The following ANKRD17 variants were observed in gnomAD, a reference collection of about 807,000 sequenced individuals.
ANKRD17 encodes the protein ankyrin repeat domain 17, also known as ankyrin repeat domain-containing protein 17.
A neutral mutation model predicts 229.7 loss-of-function variants in ANKRD17; 19 were observed. The ratio of observed to expected loss-of-function variants is 0.08; its 90% confidence interval spans 0.06 to 0.12. ANKRD17 has a LOEUF of 0.12. Among genes scored for constraint, ANKRD17 ranks in the 10% least tolerant of loss-of-function variants. The probability of loss-of-function intolerance (pLI) is 1.00; values close to 1 mark genes in which losing one functional copy is unlikely to be tolerated. For missense variants in ANKRD17, 2,176 were observed against 3,176.8 expected (o/e 0.68, Z 7.57); for synonymous variants, 1,112 against 1,146.1 (o/e 0.97, Z 0.60).
At position 73,199,054 on chromosome 4, in the gene ANKRD17, A is replaced by G. The variant is rs190530995; in HGVS notation, c.394-21521T>C. ...ATTCTAAATTTTCCCACTCTTCCCA[A>G]TACATTTCATTCTAGTCATGGGCTC... On this transcript the variant is annotated intron_variant, in intron 1 of 33. Coordinates refer to ENST00000358602, the MANE Select transcript of ANKRD17 (RefSeq NM_032217.5). Among the ~76,000 whole-genome samples the G allele has an allele frequency of 1.9e-3, 292 of 152,328 alleles. 1 individual carries two copies. The highest frequency in any genetic ancestry group is 1.5e-3 in the Non-Finnish European group (105 of 68,030).
chr4:73,236,042 G>A (rs886551519), intron 1 of ANKRD17, among the ~76,000 whole-genome samples: 8 of 151,966 alleles, frequency 5.3e-5, no homozygotes, highest in African/African-American at 1.7e-4. Context: ...ATTTTTTAAA[G>A]CTCTCTTATA....
At chr4:73,164,196 C>T (rs964606846) in intron 2 of ANKRD17, among the ~76,000 whole-genome samples, 3 of 152,166 alleles carry the variant, frequency 2.0e-5, no homozygotes, top group African/African-American at 7.2e-5. Context: ...TTTCAGCCAT[C>T]TGAGATCACT....
At position 73,078,624 on chromosome 4, in the gene ANKRD17, C is replaced by G. The variant is rs1721248408; in HGVS notation, c.7408+18G>C. ...ATGCATTAAGTTAATTTCTAGAGAG[C>G]AGGACAGAATATCCTACCTTGATTG... On this transcript the variant is annotated intron_variant, in intron 31 of 33. Transcript: ENST00000358602. 6.2e-7 allele frequency: 1 copy of G among 1,609,528 alleles called. No individual in the cohort carries two copies. The highest frequency in any genetic ancestry group is 2.2e-5 in the East Asian group (1 of 44,740).
intron 1 of ANKRD17, among the ~76,000 whole-genome samples, chr4:73,240,440 A>G (rs901763990): frequency 2.7e-5 from 4 of 148,190 alleles, no homozygotes; most frequent in Admixed American, 1.4e-4. Context: ...CTTGGGCAAC[A>G]CAGCAAGACT....
chr4:73,224,508 T>G (rs1361699358), intron 1 of ANKRD17, among the ~76,000 whole-genome samples: 1 of 152,216 alleles, frequency 6.6e-6, no homozygotes, highest in Non-Finnish European at 1.5e-5. Context: ...AAGTACCTAC[T>G]ACACGGTTTC....
At chr4:73,238,244 A>AAGTATT (rs1055049190) in intron 1 of ANKRD17, among the ~76,000 whole-genome samples, 3 of 152,086 alleles carry the variant, frequency 2.0e-5, no homozygotes, top group African/African-American at 7.2e-5. Flanking sequence ...CCTCAAAAGA[A>AAGTATT]AGTATTACCA....
chr4:73,121,114 GA>G lies in ANKRD17; in HGVS notation c.3636-21del, dbSNP rs1190928975. 1.8e-5 allele frequency: 29 copies of G among 1,573,266 alleles called. No homozygotes were observed. The highest frequency in any genetic ancestry group is 2.4e-5 in the Non-Finnish European group (27 of 1,143,496). ...CCAGTTCTAGGGGTGCAGGTATGGGGAAAACAAATGGAAAAATATATATTTT... is the reference window on the plus strand; with the variant it reads ...CCAGTTCTAGGGGTGCAGGTATGGGGAAACAAATGGAAAAATATATATTTT... On this transcript the variant is annotated intron_variant, in intron 19 of 33. Coordinates refer to ENST00000358602, the MANE Select transcript of ANKRD17 (RefSeq NM_032217.5).
chr4:73,099,499 G>C (rs557883167), intron 25 of ANKRD17, among the ~76,000 whole-genome samples: 94 of 152,322 alleles, frequency 6.2e-4, no homozygotes, highest in Non-Finnish European at 8.8e-4. Flanking sequence ...CTGCTCTCTG[G>C]TGATGGGGGC....
chr4:73,133,988 C>T (rs1355540076), intron 16 of ANKRD17, among the ~76,000 whole-genome samples: 2 of 152,168 alleles, frequency 1.3e-5, no homozygotes, highest in African/African-American at 4.8e-5. Context: ...AGAGTAGCTA[C>T]ATCATGTATG....
chr4:73,239,477 G>A (rs561199885), intron 1 of ANKRD17, among the ~76,000 whole-genome samples: 24 of 152,272 alleles, frequency 1.6e-4, no homozygotes, highest in African/African-American at 5.1e-4. Context: ...ATAACTATAT[G>A]TGTATTAACG....
intron 1 of ANKRD17, among the ~76,000 whole-genome samples, chr4:73,203,118 T>C (rs887990059): frequency 6.6e-6 from 1 of 152,192 alleles, no homozygotes; most frequent in Admixed American, 6.5e-5. Context: ...AGCAAAACTA[T>C]AGGCTTATTT....
At chr4:73,188,283 G>C (rs1268911676) in intron 1 of ANKRD17, among the ~76,000 whole-genome samples, 1 of 151,900 alleles carries the variant, frequency 6.6e-6, no homozygotes, top group Non-Finnish European at 1.5e-5. Flanking sequence ...TTTAGCCATA[G>C]CGATCTTTAA....
In ANKRD17 at chr4:73,120,150, G is replaced by T; in HGVS notation, c.4025+12C>A. The T allele has an allele frequency of 6.2e-7, 1 of 1,611,336 alleles. No homozygotes were observed. Among genetic ancestry groups the T allele is most frequent in the South Asian group, 1.1e-5 (1 of 90,994 alleles). On this transcript the variant is annotated intron_variant, in intron 21 of 33. Coordinates refer to ENST00000358602, the MANE Select transcript of ANKRD17 (RefSeq NM_032217.5). Reference sequence around the variant, plus strand: ...CTTGTGTTCATATATGAAGGGTATGGTAACAACATACCTGCCAATAAGAAG... The same window carrying T: ...CTTGTGTTCATATATGAAGGGTATGTTAACAACATACCTGCCAATAAGAAG...
At chr4:73,256,516 A>G (rs1359636051) in intron 1 of ANKRD17, among the ~76,000 whole-genome samples, 1 of 152,230 alleles carries the variant, frequency 6.6e-6, no homozygotes, top group Non-Finnish European at 1.5e-5. Context: ...AATTATTATT[A>G]AAAAGTGTAC....
intron 10 of ANKRD17, among the ~76,000 whole-genome samples, chr4:73,145,868 AAATTATT>A (rs1380754901): frequency 3.3e-5 from 5 of 152,192 alleles, no homozygotes; most frequent in African/African-American, 1.2e-4. Context: ...ATTAAATTAT[AAATTATT>A]AAGTTTATAA....
At position 73,077,491 on chromosome 4, in the gene ANKRD17, A is replaced by G. The variant is rs1721114104; in HGVS notation, c.7451T>C (p.Ile2484Thr). The G allele has an allele frequency of 6.2e-7, 1 of 1,612,360 alleles. No homozygotes were observed. Among genetic ancestry groups the G allele is most frequent in the South Asian group, 1.1e-5 (1 of 90,848 alleles). Residue 2484 changes from isoleucine to threonine, a missense_variant, in exon 32 of 34, where the codon ATC becomes ACC. Around this residue, in one of 18 missense-constraint regions of ANKRD17, gnomAD observed 159 missense variants for 214.3 expected, o/e 0.74. Coordinates refer to ENST00000358602, the MANE Select transcript of ANKRD17 (RefSeq NM_032217.5). ...TCCTGGGTCAGACATCGGTCTGTGG[A>G]TCATAGGATTTCCCATCCCAGGGTT... ...WCNPGMGNPM[I>T]HRPMSDPGVF...
chr4:73,198,832 T>C (rs1321570984), intron 1 of ANKRD17, among the ~76,000 whole-genome samples: 6 of 152,156 alleles, frequency 3.9e-5, no homozygotes, highest in Middle Eastern at 3.2e-3. Flanking sequence ...CCATGAATTG[T>C]ATGATAAATT....
intron 1 of ANKRD17, among the ~76,000 whole-genome samples, chr4:73,179,789 G>A (rs1288556304): frequency 6.6e-6 from 1 of 151,644 alleles, no homozygotes; most frequent in African/African-American, 2.4e-5. Flanking sequence ...TTTAAAGGTA[G>A]TAGTAAAAGT....
At chr4:73,082,629 T>C (rs553014444) in intron 30 of ANKRD17, among the ~76,000 whole-genome samples, 2 of 152,340 alleles carry the variant, frequency 1.3e-5, no homozygotes, top group South Asian at 2.1e-4. Context: ...TCAGTGTTTA[T>C]TAAACATACC....
Sources: allele counts gnomAD v4.1 joint callset (sites outside exome capture counted in the v4.1 genomes callset), GRCh38; gene constraint gnomAD v4.1.1; regional missense constraint gnomAD v4.1.1; transcripts MANE v1.5; gene names NCBI Gene and HGNC (gene_info 2026-07-23, HGNC 2026-07-21).